Variants in RMDN2 observed in about 807,000 individuals in gnomAD.
RMDN2 encodes the protein regulator of microtubule dynamics 2.
In RMDN2, 61 loss-of-function variants were observed where a neutral mutation model predicts 52.8. That is an observed-to-expected ratio of 1.16 (90% CI 0.94 to 1.43). The LOEUF is 1.43. RMDN2 is among the 40% of genes most tolerant of loss of function. The pLI is 0.00. For missense variants in RMDN2, 592 were observed against 475.3 expected, an observed-to-expected ratio of 1.25 and a Z score of -2.28; for synonymous variants, 180 against 153.1, an observed-to-expected ratio of 1.18 and a Z score of -1.30.
At chr2:37,954,909 A>G (rs376114930) in intron 2 of RMDN2, among the ~76,000 whole-genome samples, 2 of 152,054 alleles carry the variant, frequency 1.3e-5, no homozygotes, top group African/African-American at 4.8e-5. Flanking sequence ...TAGGTTTTTC[A>G]TCTCCTTAGT....
At chr2:38,029,041 A>G (rs1573173531) in intron 10 of RMDN2, among the ~76,000 whole-genome samples, 1 of 152,256 alleles carries the variant, frequency 6.6e-6, no homozygotes, top group East Asian at 1.9e-4. Context: ...ATGCAAATAA[A>G]GTCCTGTGAG....
At position 38,031,899 on chromosome 2, in the gene RMDN2, G is replaced by A. The variant is rs538144462; in HGVS notation, c.1713+27683G>A. On this transcript the variant is annotated intron_variant, in intron 10 of 10. Coordinates refer to the RMDN2 transcript ENST00000234195. ...CAACTTAAGTTTCTTGCCCAAAGAA[G>A]GAGCCCATAAATTGAGTCAGGTCTC... Among the ~76,000 whole-genome samples the A allele has an allele frequency of 3.9e-5, 6 of 152,226 alleles. No homozygotes were observed. The East Asian group carries it at 1.2e-3, about 29-fold the overall frequency.
At chr2:37,985,031 CA>C (rs531667416) in intron 5 of RMDN2, among the ~76,000 whole-genome samples, 141 of 151,322 alleles carry the variant, frequency 9.3e-4, no homozygotes, top group Non-Finnish European at 1.7e-3. Context: ...AAGCAGATTC[CA>C]AAAAAATATG....
At chr2:38,048,821 A>T (rs969425904) in intron 10 of RMDN2, among the ~76,000 whole-genome samples, 1 of 152,258 alleles carries the variant, frequency 6.6e-6, no homozygotes, top group African/African-American at 2.4e-5. Flanking sequence ...GTCGCAACTT[A>T]GAGGCAGGGA....
downstream of RMDN2, among the ~76,000 whole-genome samples, chr2:38,020,746 G>A (rs902816982): frequency 6.6e-6 from 1 of 152,186 alleles, no homozygotes; most frequent in Non-Finnish European, 1.5e-5. Flanking sequence ...GCTGCCTCCC[G>A]GCAGGGCAGG....
At position 37,997,488 on chromosome 2, in the gene RMDN2, C is replaced by G; in HGVS notation, c.1018C>G (p.Gln340Glu). The G allele has an allele frequency of 6.2e-7, 1 of 1,612,354 alleles. No homozygotes were observed. Among genetic ancestry groups the G allele is most frequent in the Non-Finnish European group, 8.5e-7 (1 of 1,178,494 alleles). ...TGGAAAAATACCATCTTCAACTGTA[C>G]AAGAAGCTTTACACAATTTCCTTAA... ...LFGKIPSSTV[Q>E]EALHNFLKAE... Residue 340 changes from glutamine (Q) to glutamate (E), a missense_variant, in exon 8 of 11, where the codon CAA (glutamine) becomes GAA (glutamate). Physicochemically the swap from Gln to Glu is conservative, Grantham distance 29. Transcript: ENST00000354545.
intron 10 of RMDN2, among the ~76,000 whole-genome samples, chr2:38,031,341 A>G (rs957241677): frequency 7.0e-6 from 1 of 143,492 alleles, no homozygotes; most frequent in Non-Finnish European, 1.5e-5. Context: ...AGATGCAATC[A>G]TAGCTCACTG....
intron 2 of RMDN2, among the ~76,000 whole-genome samples, chr2:37,970,435 T>C (rs948657513): frequency 1.3e-5 from 2 of 152,198 alleles, no homozygotes; most frequent in Non-Finnish European, 1.5e-5. Flanking sequence ...AATAGCTTGA[T>C]TGATATTTTA....
intron 10 of RMDN2, among the ~76,000 whole-genome samples, chr2:38,061,149 T>C (rs1682027938): frequency 6.6e-6 from 1 of 152,120 alleles, no homozygotes; most frequent in African/African-American, 2.4e-5. Flanking sequence ...AAGTGAGTAG[T>C]CAGGGAAGCC....
intron 2 of RMDN2, among the ~76,000 whole-genome samples, chr2:37,936,518 A>T (rs575840560): frequency 6.6e-6 from 1 of 152,294 alleles, no homozygotes; most frequent in East Asian, 1.9e-4. Context: ...CAACAGTGTA[A>T]AGTGTTCCTG....
chr2:37,949,335 C>A (rs1048215844), intron 2 of RMDN2, among the ~76,000 whole-genome samples: 2 of 152,130 alleles, frequency 1.3e-5, no homozygotes, highest in Admixed American at 6.5e-5. Flanking sequence ...TTACTACTTG[C>A]TATAGAAGTG....
chr2:37,999,531 G>C (rs958858141), intron 8 of RMDN2, among the ~76,000 whole-genome samples: 1 of 152,160 alleles, frequency 6.6e-6, no homozygotes, highest in African/African-American at 2.4e-5. Flanking sequence ...AAAGAAAAGA[G>C]AGGAGGCATC....
chr2:38,017,244 A>T lies in RMDN2; in HGVS notation c.*5A>T. The T allele has an allele frequency of 6.5e-7, 1 of 1,529,844 alleles. No homozygotes were observed. Among genetic ancestry groups the T allele is most frequent in the Non-Finnish European group, 8.8e-7 (1 of 1,136,136 alleles). 94.8% of individuals were successfully genotyped at this position (1,529,844 alleles called of 1,614,324 possible). A position where few individuals can be genotyped will look rare whatever the true frequency, so the allele number is the denominator to read the frequency against. ...ATGACTTCCTTGAAGAGGTAAATAA[A>T]CGAATTTACTCTTCAACAAATCAGA... On this transcript the variant is annotated 3_prime_UTR_variant, in exon 11 of 11. Coordinates refer to ENST00000354545, the MANE Select transcript of RMDN2 (RefSeq NM_001170791.3).
intron 2 of RMDN2, among the ~76,000 whole-genome samples, chr2:37,941,903 G>C (rs1176034552): frequency 6.6e-6 from 1 of 151,046 alleles, no homozygotes; most frequent in Non-Finnish European, 1.5e-5. Context: ...GGGAGTGAGT[G>C]GTTCTGTCTC....
At chr2:37,927,010 G>T (rs1232368168) in intron 1 of RMDN2, among the ~76,000 whole-genome samples, 1 of 151,862 alleles carries the variant, frequency 6.6e-6, no homozygotes, top group Non-Finnish European at 1.5e-5. Context: ...GATGTATTTT[G>T]TACATTATTT....
chr2:37,953,256 C>A (rs1669061291), intron 2 of RMDN2: 1 of 152,054 alleles, frequency 6.6e-6, no homozygotes, highest in African/African-American at 2.4e-5. Context: ...TAAGTACATT[C>A]ACATTGTTGT....
intron 2 of RMDN2, among the ~76,000 whole-genome samples, chr2:37,944,733 T>G (rs1168843722): frequency 6.6e-6 from 1 of 152,180 alleles, no homozygotes; most frequent in Admixed American, 6.6e-5. Context: ...AGTAGACACT[T>G]ATTTCAAGGA....
intron 7 of RMDN2, among the ~76,000 whole-genome samples, chr2:37,993,070 A>G (rs1675026953): frequency 6.6e-6 from 1 of 152,062 alleles, no homozygotes; most frequent in South Asian, 2.1e-4. Flanking sequence ...GTGTGCCACC[A>G]CGCTCGGGTA....
chr2:38,022,755 CA>C (rs1232461371), intron 10 of RMDN2, among the ~76,000 whole-genome samples: 1 of 152,176 alleles, frequency 6.6e-6, no homozygotes, highest in Non-Finnish European at 1.5e-5. Flanking sequence ...TAAAAGTTAT[CA>C]AAAGGCTTTT....
Sources: allele counts gnomAD v4.1 joint callset (sites outside exome capture counted in the v4.1 genomes callset), GRCh38; gene constraint gnomAD v4.1.1; transcripts MANE v1.5; gene names NCBI Gene and HGNC (gene_info 2026-07-23, HGNC 2026-07-21).